The following PRKN variants were observed in gnomAD, a reference collection of about 807,000 sequenced individuals.
The protein encoded by PRKN is parkin RBR E3 ubiquitin protein ligase.
A neutral mutation model predicts 59.5 loss-of-function variants in PRKN; 56 were observed. The ratio of observed to expected loss-of-function variants is 0.94; its 90% CI spans 0.76 to 1.18. PRKN has a LOEUF of 1.18. PRKN is among the 50% of genes most tolerant of loss of function. PRKN has a pLI of 0.00. For synonymous variants in PRKN, 250 were observed against 222.1 expected, an observed-to-expected ratio of 1.13 and a Z score of -1.12; for missense variants, 657 against 596.4, an observed-to-expected ratio of 1.10 and a Z score of -1.06.
chr6:161,679,717 A>G (rs1054555517), intron 7 of PRKN, among the ~76,000 whole-genome samples: 3 of 135,112 alleles, frequency 2.2e-5, no homozygotes, highest in African/African-American at 8.1e-5. Flanking sequence ...ATTTAAAGAA[A>G]AAATGTTTTC....
At chr6:162,406,044 A>T (rs1187374074) in intron 2 of PRKN, among the ~76,000 whole-genome samples, 1 of 152,160 alleles carries the variant, frequency 6.6e-6, no homozygotes, top group African/African-American at 2.4e-5. Flanking sequence ...AGCTTTACAC[A>T]AGGAGCATCA....
At chr6:161,494,848 G>A (rs1325727977) in intron 9 of PRKN, among the ~76,000 whole-genome samples, 1 of 152,158 alleles carries the variant, frequency 6.6e-6, no homozygotes, top group East Asian at 1.9e-4. Flanking sequence ...CGAACATCAA[G>A]TTCTTCTAGG....
intron 1 of PRKN, among the ~76,000 whole-genome samples, chr6:162,685,213 A>G (rs1234764238): frequency 6.6e-6 from 1 of 152,176 alleles, no homozygotes; most frequent in African/African-American, 2.4e-5. Flanking sequence ...AGCATGTTGC[A>G]CAGATGTGTA....
chr6:161,635,074 T>C (rs956021753), intron 7 of PRKN, among the ~76,000 whole-genome samples: 33 of 152,188 alleles, frequency 2.2e-4, no homozygotes, highest in African/African-American at 7.5e-4. Context: ...GGCAGAATCC[T>C]TGGGAATCAT....
At chr6:161,694,393 C>T (rs1003653987) in intron 7 of PRKN, among the ~76,000 whole-genome samples, 1 of 151,892 alleles carries the variant, frequency 6.6e-6, no homozygotes, top group Non-Finnish European at 1.5e-5. Context: ...AATTGTGGTA[C>T]AATATACATA....
At chr6:161,642,357 TGCCTTGC>T (rs2128158897) in intron 7 of PRKN, among the ~76,000 whole-genome samples, 2 of 152,252 alleles carry the variant, frequency 1.3e-5, no homozygotes, top group East Asian at 3.8e-4. Flanking sequence ...AGATATTTGA[TGCCTTGC>T]TTATTGCATT....
chr6:162,595,587 A>C (rs1409320642), intron 1 of PRKN, among the ~76,000 whole-genome samples: 3 of 152,104 alleles, frequency 2.0e-5, no homozygotes, highest in Non-Finnish European at 4.4e-5. Flanking sequence ...TTTGGCTCTA[A>C]CAATTACAGT....
At chr6:162,548,560 T>C (rs1297611090) in intron 1 of PRKN, among the ~76,000 whole-genome samples, 2 of 152,286 alleles carry the variant, frequency 1.3e-5, no homozygotes, top group South Asian at 2.1e-4. Context: ...TAATGCTTCA[T>C]TTCGTTTGTA....
At chr6:161,411,252 G>A (rs1008818961) in intron 9 of PRKN, among the ~76,000 whole-genome samples, 21 of 152,224 alleles carry the variant, frequency 1.4e-4, no homozygotes, top group African/African-American at 4.3e-4. Context: ...GGAGATAATC[G>A]AATCATGGGG....
chr6:161,724,210 C>T (rs567116742), intron 7 of PRKN, among the ~76,000 whole-genome samples: 6 of 152,264 alleles, frequency 3.9e-5, no homozygotes, highest in South Asian at 2.1e-4. Flanking sequence ...CAGAGGGGAA[C>T]GGCTGAAGAG....
At chr6:162,588,836 C>A (rs1049847661) in intron 1 of PRKN, among the ~76,000 whole-genome samples, 14 of 152,160 alleles carry the variant, frequency 9.2e-5, no homozygotes, top group Non-Finnish European at 1.9e-4. Context: ...CAGGCGTGAG[C>A]CACCGCGCCC....
chr6:161,940,562 G>A (rs974455953), intron 6 of PRKN, among the ~76,000 whole-genome samples: 1 of 152,164 alleles, frequency 6.6e-6, no homozygotes, highest in East Asian at 1.9e-4. Flanking sequence ...TAGAACCAGA[G>A]GACATAAAGG....
At chr6:161,723,871 C>G (rs575288667) in intron 7 of PRKN, among the ~76,000 whole-genome samples, 1 of 152,244 alleles carries the variant, frequency 6.6e-6, no homozygotes, top group East Asian at 1.9e-4. Context: ...CTGTTCTGCC[C>G]TCACGGCCTC....
At chr6:162,317,993 A>G (rs1395151800) in intron 2 of PRKN, among the ~76,000 whole-genome samples, 1 of 152,018 alleles carries the variant, frequency 6.6e-6, no homozygotes, top group Admixed American at 6.6e-5. Context: ...ATTGTTGTCC[A>G]ACCAACACCA....
At chr6:161,743,184 T>C (rs1477655953) in intron 7 of PRKN, among the ~76,000 whole-genome samples, 1 of 144,826 alleles carries the variant, frequency 6.9e-6, no homozygotes, top group Non-Finnish European at 1.5e-5. Flanking sequence ...ACTCCCAACC[T>C]CTCCTTGCCT....
intron 1 of PRKN, among the ~76,000 whole-genome samples, chr6:162,711,922 C>A (rs1449299295): frequency 6.6e-6 from 1 of 152,196 alleles, no homozygotes; most frequent in Non-Finnish European, 1.5e-5. Context: ...ACTGGTCTCC[C>A]TCTGGGATTT....
intron 1 of PRKN, among the ~76,000 whole-genome samples, chr6:162,572,941 CCT>C (rs1261650177): frequency 1.1e-4 from 16 of 152,098 alleles, no homozygotes; most frequent in African/African-American, 3.1e-4. Flanking sequence ...TGTGTCACCC[CCT>C]GTCATTAATA....
intron 8 of PRKN, among the ~76,000 whole-genome samples, chr6:161,558,261 C>T (rs1000077847): frequency 6.6e-6 from 1 of 152,056 alleles, no homozygotes; most frequent in Non-Finnish European, 1.5e-5. Context: ...CTCTTATTCC[C>T]TTCTATTAAA....
At chr6:161,879,426 C>A (rs1794850228) in intron 6 of PRKN, among the ~76,000 whole-genome samples, 1 of 148,262 alleles carries the variant, frequency 6.7e-6, no homozygotes, top group South Asian at 2.1e-4. Flanking sequence ...TGGCTCACTG[C>A]AACCTCCGCC....
Sources: allele counts gnomAD v4.1 joint callset (sites outside exome capture counted in the v4.1 genomes callset), GRCh38; gene constraint gnomAD v4.1.1; transcripts MANE v1.5; gene names NCBI Gene and HGNC (gene_info 2026-07-23, HGNC 2026-07-21).